Variants in ZFAT observed in about 807,000 individuals in gnomAD.
The protein encoded by ZFAT is zinc finger protein ZFAT.
In ZFAT, 64 loss-of-function variants were observed where a neutral mutation model predicts 117.7. The ratio of observed to expected loss-of-function variants is 0.54; its 90% confidence interval spans 0.44 to 0.67. The LOEUF is 0.67. ZFAT is among the 30% of genes least tolerant of loss of function. The pLI, the probability that ZFAT is intolerant of heterozygous loss-of-function variation, is 0.00. For synonymous variants in ZFAT, 679 were observed against 615.0 expected (o/e 1.10, Z -1.54); for missense variants, 1,433 against 1,584.5 (o/e 0.90, Z 1.62).
chr8:134,583,754 C>G, intron 10 of ZFAT, 78 bp downstream of exon 10: 1 of 1,539,276 alleles, frequency 6.5e-7, no homozygotes, highest in Non-Finnish European at 8.8e-7. Flanking sequence ...TCTGGTACAG[C>G]AAGTTTCTGA....
At chr8:134,519,378 T>C (rs1469739024) in intron 13 of ZFAT, among the ~76,000 whole-genome samples, 1 of 152,234 alleles carries the variant, frequency 6.6e-6, no homozygotes, top group Admixed American at 6.5e-5. Flanking sequence ...TATCTTGGTT[T>C]TGTTTCCTGT....
chr8:134,602,960 A>C, intron 5 of ZFAT, 27 bp from the exon 6 acceptor site: 2 of 1,575,580 alleles, frequency 1.3e-6, no homozygotes, highest in Non-Finnish European at 1.7e-6. Context: ...GCATGGTTAC[A>C]TCTGGAGACC....
At chr8:134,534,690 G>A (rs901594991) in intron 11 of ZFAT, among the ~76,000 whole-genome samples, 2 of 145,998 alleles carry the variant, frequency 1.4e-5, no homozygotes, top group African/African-American at 5.1e-5. Context: ...AGAGAGAGGG[G>A]AGACAAGGAA....
chr8:134,562,799 T>C (rs1470712496), intron 11 of ZFAT, among the ~76,000 whole-genome samples: 1 of 152,160 alleles, frequency 6.6e-6, no homozygotes, highest in Non-Finnish European at 1.5e-5. Context: ...CCCAAATCCA[T>C]TTCTTCTGCA....
chr8:134,489,369 G>A (rs1046089382), intron 15 of ZFAT, among the ~76,000 whole-genome samples: 3 of 152,056 alleles, frequency 2.0e-5, no homozygotes, highest in South Asian at 2.1e-4. Flanking sequence ...AGGCTCTTAG[G>A]CCCAGTGCTC....
the ZFAT span, among the ~76,000 whole-genome samples, chr8:134,829,409 C>T: frequency 2.9e-3 from 448 of 152,288 alleles, no homozygotes; most frequent in African/African-American, 0.01. Flanking sequence ...AATTTTCCCA[C>T]TCAGTTAAAC....
At chr8:134,619,084 C>T (rs1828936092) in intron 3 of ZFAT, among the ~76,000 whole-genome samples, 1 of 152,090 alleles carries the variant, frequency 6.6e-6, no homozygotes, top group African/African-American at 2.4e-5. Flanking sequence ...GAGTTACATT[C>T]CAATAAACCC....
chr8:134,613,848 A>G (rs1164831263), intron 3 of ZFAT, among the ~76,000 whole-genome samples: 8 of 152,186 alleles, frequency 5.3e-5, no homozygotes, highest in African/African-American at 1.4e-4. Flanking sequence ...CAGCTAGGAG[A>G]GGCCAAGTGA....
chr8:134,773,689 A>G, the ZFAT span, among the ~76,000 whole-genome samples: 2 of 152,194 alleles, frequency 1.3e-5, no homozygotes, highest in African/African-American at 4.8e-5. Context: ...GTGAGTTCCA[A>G]ACCTTATGGA....
intron 1 of ZFAT, among the ~76,000 whole-genome samples, chr8:134,661,863 A>C (rs1831950110): frequency 6.6e-6 from 1 of 152,174 alleles, no homozygotes; most frequent in African/African-American, 2.4e-5. Context: ...AGGAGCAGGC[A>C]GCGCAAGACG....
the ZFAT span, among the ~76,000 whole-genome samples, chr8:134,832,251 G>C: frequency 6.6e-6 from 1 of 151,696 alleles, no homozygotes; most frequent in South Asian, 2.1e-4. Context: ...GCTCCCTCCG[G>C]TCTCTCTGCT....
At chr8:134,787,163 T>C in the ZFAT span, among the ~76,000 whole-genome samples, 5 of 152,116 alleles carry the variant, frequency 3.3e-5, no homozygotes, top group Non-Finnish European at 7.4e-5. Flanking sequence ...TCTTTTCTTA[T>C]TGATTAATTT....
chr8:134,619,966 CAGA>C (rs1563685031), intron 3 of ZFAT, among the ~76,000 whole-genome samples: 1 of 152,144 alleles, frequency 6.6e-6, no homozygotes, highest in African/African-American at 2.4e-5. Context: ...TCTGCAGGAG[CAGA>C]AGTTTAGAAA....
At chr8:134,502,456 A>T (rs1478042192) in intron 15 of ZFAT, among the ~76,000 whole-genome samples, 1 of 152,206 alleles carries the variant, frequency 6.6e-6, no homozygotes, top group Admixed American at 6.5e-5. Flanking sequence ...AAAACAATGA[A>T]CTGCAAATAA....
chr8:134,789,976 G>A, the ZFAT span, among the ~76,000 whole-genome samples: 2 of 152,200 alleles, frequency 1.3e-5, no homozygotes, highest in Non-Finnish European at 1.5e-5. Context: ...ATGAACTAGT[G>A]TTCTAATCAG....
At chr8:134,704,914 A>C (rs1278951186) in intron 1 of ZFAT, among the ~76,000 whole-genome samples, 2 of 152,262 alleles carry the variant, frequency 1.3e-5, no homozygotes, top group East Asian at 3.9e-4. Context: ...AAACAAAAAA[A>C]CTTAGGAGAT....
the ZFAT span, among the ~76,000 whole-genome samples, chr8:134,722,099 T>G: frequency 2.6e-5 from 4 of 152,128 alleles, no homozygotes; most frequent in East Asian, 3.9e-4. Context: ...CACAGCCCAG[T>G]GGAGGAAGTG....
At chr8:134,565,150 C>T in intron 11 of ZFAT, 183 bp downstream of exon 11, 2 of 1,529,518 alleles carry the variant, frequency 1.3e-6, no homozygotes, top group Non-Finnish European at 1.8e-6. Context: ...CAATGCTACG[C>T]TTCTGGAACG....
the ZFAT span, among the ~76,000 whole-genome samples, chr8:134,734,386 C>A: frequency 9.9e-5 from 15 of 152,252 alleles, no homozygotes; most frequent in East Asian, 1.5e-3. Flanking sequence ...AATGTTGGGG[C>A]TCCCCAGAGT....
Sources: gnomAD v4.1 joint callset for allele counts (sites outside exome capture counted in the v4.1 genomes callset) on GRCh38, gnomAD v4.1.1 for gene constraint, MANE v1.5 for transcripts, NCBI Gene and HGNC (gene_info 2026-07-23, HGNC 2026-07-21) for gene names.